The following ANO3 variants were observed in gnomAD, a reference collection of about 807,000 sequenced individuals.
ANO3 encodes the protein anoctamin 3.
In ANO3, 99 loss-of-function variants were observed where a neutral mutation model predicts 144.8. The ratio of observed to expected loss-of-function variants is 0.68; its 90% CI spans 0.58 to 0.81. The LOEUF (loss-of-function observed/expected upper bound fraction) is 0.81, where lower values mean the gene tolerates loss of function less well. Ranked by LOEUF, ANO3 falls within the 30% of genes least tolerant of loss-of-function variation. The pLI, the probability that ANO3 is intolerant of heterozygous loss-of-function variation, is 0.00. For synonymous variants in ANO3, 414 were observed against 392.6 expected, an observed-to-expected ratio of 1.05 and a Z score of -0.64; for missense variants, 905 against 1,202.2, an observed-to-expected ratio of 0.75 and a Z score of 3.66.
intron 1 of ANO3, among the ~76,000 whole-genome samples, chr11:26,415,913 T>A (rs976564074): frequency 1.3e-5 from 2 of 152,084 alleles, no homozygotes; most frequent in Non-Finnish European, 2.9e-5. Flanking sequence ...TAAAAGAAAA[T>A]TTTGAGGTGA....
chr11:26,642,571 C>A (rs1853202185), intron 22 of ANO3, among the ~76,000 whole-genome samples: 1 of 151,324 alleles, frequency 6.6e-6, no homozygotes, highest in Non-Finnish European at 1.5e-5. Flanking sequence ...AGGCTGGTCT[C>A]AACTCCTGAC....
At chr11:26,593,842 A>G (rs1851526542) in intron 14 of ANO3, among the ~76,000 whole-genome samples, 1 of 152,138 alleles carries the variant, frequency 6.6e-6, no homozygotes, top group Non-Finnish European at 1.5e-5. Context: ...CCATGACTAA[A>G]GCGGTGGCCT....
chr11:26,514,414 A>G (rs1415704922), intron 5 of ANO3, among the ~76,000 whole-genome samples: 1 of 152,132 alleles, frequency 6.6e-6, no homozygotes, highest in Non-Finnish European at 1.5e-5. Flanking sequence ...TGAGGTGACC[A>G]ATCTTTTATA....
chr11:26,382,262 TATA>T (rs1856607903), intron 1 of ANO3, among the ~76,000 whole-genome samples: 1 of 152,146 alleles, frequency 6.6e-6, no homozygotes, highest in Admixed American at 6.6e-5. Context: ...CTGCTGATAT[TATA>T]ATAACAACAG....
intron 14 of ANO3, among the ~76,000 whole-genome samples, chr11:26,575,018 G>A (rs1321372621): frequency 1.3e-5 from 2 of 151,962 alleles, no homozygotes; most frequent in Non-Finnish European, 2.9e-5. Context: ...CATTTAATTC[G>A]ACCATAGTTA....
intron 17 of ANO3, among the ~76,000 whole-genome samples, chr11:26,621,257 A>G (rs1852406325): frequency 6.6e-6 from 1 of 152,146 alleles, no homozygotes; most frequent in South Asian, 2.1e-4. Flanking sequence ...AATGCTTACC[A>G]TGGCCTACTG....
At chr11:26,516,335 T>G (rs551468672) in intron 5 of ANO3, among the ~76,000 whole-genome samples, 2 of 151,616 alleles carry the variant, frequency 1.3e-5, no homozygotes, top group African/African-American at 4.8e-5. Context: ...CTTTTACAAT[T>G]TATACCCAGT....
At chr11:26,441,106 GTTTTTTTTTTT>G (rs1022676698) in intron 1 of ANO3, among the ~76,000 whole-genome samples, 196 of 86,546 alleles carry the variant, frequency 2.3e-3, no homozygotes, top group African/African-American at 8.8e-3. Flanking sequence ...TTGCTGCCCA[GTTTTTTTTTTT>G]TTTTTTTTTT....
intron 14 of ANO3, chr11:26,561,262 T>C (rs1850280897): frequency 2.0e-6 from 3 of 1,488,896 alleles, no homozygotes. Context: ...TTCACAGTGA[T>C]ACTCTGAAAG....
intron 1 of ANO3, among the ~76,000 whole-genome samples, chr11:26,370,721 C>T (rs1300088015): frequency 6.6e-6 from 1 of 152,126 alleles, no homozygotes; most frequent in Non-Finnish European, 1.5e-5. Context: ...GAGGTGGTCT[C>T]AGATGGAGAT....
intron 4 of ANO3, chr11:26,474,215 T>A: frequency 2.0e-6 from 1 of 492,984 alleles, no homozygotes. Flanking sequence ...TGAGAGAAAT[T>A]AATATTGATT....
At chr11:26,658,829 C>T (rs1489441454) in intron 26 of ANO3, among the ~76,000 whole-genome samples, 1 of 152,072 alleles carries the variant, frequency 6.6e-6, no homozygotes, top group African/African-American at 2.4e-5. Context: ...CTTTGCAGTA[C>T]AGTCTCTTGG....
chr11:26,333,361 A>G (rs987077281), intron 1 of ANO3, among the ~76,000 whole-genome samples: 2 of 150,702 alleles, frequency 1.3e-5, no homozygotes, highest in African/African-American at 4.9e-5. Context: ...GGCTCACTGC[A>G]AGCTCTGCAT....
chr11:26,451,779 C>A (rs1858950871), intron 3 of ANO3, among the ~76,000 whole-genome samples: 1 of 152,220 alleles, frequency 6.6e-6, no homozygotes, highest in South Asian at 2.1e-4. Flanking sequence ...GGCAGACTGC[C>A]TCCTCAAGTG....
intron 5 of ANO3, among the ~76,000 whole-genome samples, chr11:26,511,496 A>G (rs57660147): frequency 0.011 from 1,740 of 152,294 alleles, 41 homozygotes; most frequent in African/African-American, 0.04. Flanking sequence ...ACTGCACAAG[A>G]AAGATGATCT....
chr11:26,389,094 T>G (rs1856810354), intron 1 of ANO3, among the ~76,000 whole-genome samples: 1 of 152,150 alleles, frequency 6.6e-6, no homozygotes, highest in Non-Finnish European at 1.5e-5. Context: ...AATGAGTCCT[T>G]AGGATAATTG....
At chr11:26,652,190 A>G (rs1415394636) in intron 24 of ANO3, among the ~76,000 whole-genome samples, 2 of 152,202 alleles carry the variant, frequency 1.3e-5, no homozygotes, top group Admixed American at 6.5e-5. Context: ...GTTTCACTTT[A>G]AATTTGTATC....
intron 14 of ANO3, among the ~76,000 whole-genome samples, chr11:26,597,033 T>C (rs1334751196): frequency 6.6e-6 from 1 of 152,222 alleles, no homozygotes; most frequent in East Asian, 1.9e-4. Flanking sequence ...CGTTTTTAAC[T>C]GGCTGATGGG....
intron 1 of ANO3, among the ~76,000 whole-genome samples, chr11:26,283,733 A>G (rs1853737777): frequency 6.6e-6 from 1 of 152,100 alleles, no homozygotes; most frequent in Admixed American, 6.5e-5. Context: ...CTAGAAATCT[A>G]ATGGTTAACA....
Sources: gnomAD v4.1 joint callset for allele counts (sites outside exome capture counted in the v4.1 genomes callset) on GRCh38, gnomAD v4.1.1 for gene constraint, MANE v1.5 for transcripts, NCBI Gene and HGNC (gene_info 2026-07-23, HGNC 2026-07-21) for gene names.